KIRREL3: variants seen among roughly 807,000 people sequenced by gnomAD.
KIRREL3 encodes the protein kin of IRRE-like protein 3.
KIRREL3 carries 36 observed loss-of-function variants against 89.7 expected under a neutral mutation model. The ratio of observed to expected loss-of-function variants is 0.40; its 90% confidence interval spans 0.31 to 0.53. KIRREL3 has a LOEUF of 0.53. Among genes scored for constraint, KIRREL3 ranks in the 20% least tolerant of loss-of-function variants. The probability of loss-of-function intolerance (pLI) is 0.49; values close to 1 mark genes in which losing one functional copy is unlikely to be tolerated. For synonymous variants in KIRREL3, 445 were observed against 441.4 expected (o/e 1.01, Z -0.10); for missense variants, 864 against 1,056.6 (o/e 0.82, Z 2.53).
chr11:126,488,823 C>G (rs1957434186), intron 4 of KIRREL3, among the ~76,000 whole-genome samples: 1 of 152,340 alleles, frequency 6.6e-6, no homozygotes, highest in East Asian at 1.9e-4. Context: ...AGTTGTCCCT[C>G]TGCTTATGGT....
chr11:126,850,456 G>A (rs559642245), intron 1 of KIRREL3, among the ~76,000 whole-genome samples: 2 of 152,162 alleles, frequency 1.3e-5, no homozygotes, highest in African/African-American at 2.4e-5. Flanking sequence ...TTGGGGTAGA[G>A]GCAAAGCTAA....
chr11:126,901,199 G>A (rs1289515002), intron 1 of KIRREL3, among the ~76,000 whole-genome samples: 6 of 139,964 alleles, frequency 4.3e-5, no homozygotes, highest in African/African-American at 8.3e-5. Context: ...GGGTAACAGA[G>A]CGAGATTCCG....
rs936859889 is a variant in KIRREL3 at position 126,452,059 on chromosome 11, G to A, written c.849-2902C>T. On this transcript the variant is annotated intron_variant, in intron 7 of 16. Transcript: ENST00000525144. ...TTCCCTCCATTAGCTTCTTGCCTCC[G>A]TCTGACCCATCCAGCCCCGAGAGAC... 3.3e-5 allele frequency among the ~76,000 whole-genome samples: 5 copies of A among 152,072 alleles called. No homozygotes were observed. The East Asian group carries it at 5.8e-4, about 18-fold the overall frequency.
rs1477599587 is a variant in KIRREL3, at chr11:126,508,920, C to A, written c.433+12395G>T. ...CACCCTTGCCCTTCTCTCTTCTCTC[C>A]ACTCGAGCAACTCACAAGCTGCCCT... On this transcript the variant is annotated intron_variant, in intron 4 of 16. Coordinates refer to ENST00000525144, the MANE Select transcript of KIRREL3 (RefSeq NM_032531.4). The surrounding 1 kb of genome is among the most constrained non-coding windows in gnomAD (Gnocchi z 4.9). Among the ~76,000 whole-genome samples, 1 of 152,120 alleles carries A rather than the reference C, an allele frequency of 6.6e-6. No homozygotes were observed. Among genetic ancestry groups the A allele is most frequent in the East Asian group, 1.9e-4 (1 of 5,180 alleles).
intron 1 of KIRREL3, among the ~76,000 whole-genome samples, chr11:126,692,572 A>AAAAT (rs1555176685): frequency 6.8e-6 from 1 of 147,932 alleles, no homozygotes; most frequent in Admixed American, 6.7e-5. Context: ...AAAAAAAAAA[A>AAAAT]GGAGGTGGAA....
At position 126,761,004 on chromosome 11, in the gene KIRREL3, G is replaced by A. The variant is rs984596025; in HGVS notation, c.56-198092C>T. ...ACTGACACCCTCCAGGACAGATACC[G>A]TTAAACATAAATGAAAGAGGGAAGA... On this transcript the variant is annotated intron_variant, in intron 1 of 16. Transcript: ENST00000525144. The surrounding 1 kb of genome is among the most constrained non-coding windows in gnomAD (Gnocchi z 4.4). Among the ~76,000 whole-genome samples, 3 of 152,172 alleles carry A rather than the reference G, an allele frequency of 2.0e-5. No homozygotes were observed. Among genetic ancestry groups the A allele is most frequent in the African/African-American group, 4.8e-5 (2 of 41,450 alleles).
chr11:126,433,433 C>G (rs751122391), intron 13 of KIRREL3, among the ~76,000 whole-genome samples: 1 of 152,286 alleles, frequency 6.6e-6, no homozygotes, highest in Non-Finnish European at 1.5e-5. Flanking sequence ...AGGGAGCTGG[C>G]GCCCCTGGCT....
chr11:126,693,261 T>C (rs1343070268), intron 1 of KIRREL3, among the ~76,000 whole-genome samples: 3 of 151,716 alleles, frequency 2.0e-5, no homozygotes, highest in African/African-American at 7.3e-5. Context: ...TCCAGTAAAA[T>C]ACAAAAAAAA....
At position 126,788,159 on chromosome 11, in the gene KIRREL3, G is replaced by C. The variant is rs527251198; in HGVS notation, c.55+212296C>G. ...CTGCTAGACATTGTGTGCAAAAAGA[G>C]TGGGTGATGGAGTTGGGCTTGGGAC... On this transcript the variant is annotated intron_variant, in intron 1 of 16. Transcript: ENST00000525144. This position sits in a 1 kb window ranked among gnomAD's most constrained non-coding sequence, Gnocchi z 4.1. Among the ~76,000 whole-genome samples, 10 of 152,334 alleles carry C rather than the reference G, an allele frequency of 6.6e-5. No homozygotes were observed. The highest frequency in any genetic ancestry group is 5.2e-4 in the Admixed American group (8 of 15,308).
rs139441015 is a variant in KIRREL3, at chr11:126,457,399, G to C, written c.743-945C>G. 5.5e-3 allele frequency among the ~76,000 whole-genome samples: 831 copies of C among 151,974 alleles called. 3 individuals carry two copies. The highest frequency in any genetic ancestry group is 9.9e-3 in the Non-Finnish European group (672 of 67,940). On this transcript the variant is annotated intron_variant, in intron 6 of 16. Coordinates refer to ENST00000525144, the MANE Select transcript of KIRREL3 (RefSeq NM_032531.4). ...TATGTGTGTATGCGTGTGTGTGTAT[G>C]TGTGTATGCACGTGTGTATGTGTGT...
intron 1 of KIRREL3, among the ~76,000 whole-genome samples, chr11:126,572,922 C>A (rs963087611): frequency 6.6e-6 from 1 of 152,216 alleles, no homozygotes; most frequent in Non-Finnish European, 1.5e-5. Flanking sequence ...CAGTCATGTC[C>A]AGCCCCTGCC....
chr11:126,562,202 C>T lies in KIRREL3; in HGVS notation c.133+633G>A, dbSNP rs908325573. On this transcript the variant is annotated intron_variant, in intron 2 of 16. Transcript: ENST00000525144. The surrounding 1 kb of genome is among the most constrained non-coding windows in gnomAD (Gnocchi z 4.7). ...GATTGGTTCTTTATTACAGCAGACC[C>T]GTAAGTGACAGCACTCCTCCTCCCA... is the stretch of plus-strand genomic sequence containing the variant. Among the ~76,000 whole-genome samples the T allele has an allele frequency of 1.3e-5, 2 of 152,094 alleles. No homozygotes were observed. The highest frequency in any genetic ancestry group is 2.4e-5 in the African/African-American group (1 of 41,394).
At chr11:126,546,963 CATTATT>C (rs1450795502) in intron 2 of KIRREL3, among the ~76,000 whole-genome samples, 1 of 152,134 alleles carries the variant, frequency 6.6e-6, no homozygotes, top group Non-Finnish European at 1.5e-5. Context: ...TTTTAAAAAA[CATTATT>C]ATTGTTATTT....
rs1310961576 is a variant in KIRREL3, at chr11:126,495,517, A to T, written c.434-22051T>A. ...CTGGTTGTGGCTGTTGTGTGTGTGG[A>T]CGTGTTGCTAGGAATGAGGGCCTGA... is the stretch of plus-strand genomic sequence containing the variant. On this transcript the variant is annotated intron_variant, in intron 4 of 16. Transcript: ENST00000525144. The surrounding 1 kb of genome is among the most constrained non-coding windows in gnomAD (Gnocchi z 6.5). Among the ~76,000 whole-genome samples the T allele has an allele frequency of 6.6e-6, 1 of 151,914 alleles. No individual in the cohort carries two copies. Among genetic ancestry groups the T allele is most frequent in the African/African-American group, 2.4e-5 (1 of 41,320 alleles).
rs566419472 is a variant in KIRREL3, at chr11:126,594,995, G to C, written c.56-32083C>G. On this transcript the variant is annotated intron_variant, in intron 1 of 16. Transcript: ENST00000525144. The surrounding 1 kb of genome is among the most constrained non-coding windows in gnomAD (Gnocchi z 5.0). ...TCAGGGGCCTTCTGGGTTGTGAGGC[G>C]TGGGGCACCCCGTCCTGAGCGTGCC... is the stretch of plus-strand genomic sequence containing the variant. 6.6e-6 allele frequency among the ~76,000 whole-genome samples: 1 copy of C among 152,230 alleles called. No homozygotes were observed.
rs552337517 is a variant in KIRREL3 at position 126,924,810 on chromosome 11, C to T, written c.55+75645G>A. On this transcript the variant is annotated intron_variant, in intron 1 of 16. Coordinates refer to ENST00000525144, the MANE Select transcript of KIRREL3 (RefSeq NM_032531.4). The surrounding 1 kb of genome is among the most constrained non-coding windows in gnomAD (Gnocchi z 4.7). ...CCCCATCAACACCCTCACCTCAACCCTCCTGGTTAGCCTCTCTGATGTTGA... is the reference window on the plus strand; with the variant it reads ...CCCCATCAACACCCTCACCTCAACCTTCCTGGTTAGCCTCTCTGATGTTGA... Among the ~76,000 whole-genome samples the T allele has an allele frequency of 5.8e-4, 88 of 152,282 alleles. No individual in the cohort carries two copies. The highest frequency in any genetic ancestry group is 1.9e-3 in the African/African-American group (77 of 41,568).
rs1354282094 is a variant in KIRREL3, at chr11:126,463,593, G to C, written c.592-286C>G. Among the ~76,000 whole-genome samples, 1 of 152,228 alleles carries C rather than the reference G, an allele frequency of 6.6e-6. No homozygotes were observed. The highest frequency in any genetic ancestry group is 1.5e-5 in the Non-Finnish European group (1 of 68,038). ...CATGCTAAAAGCACAAAAGAAAGCA[G>C]GATGGGTTTCATGGAAACCAGGCTT... On this transcript the variant is annotated intron_variant, in intron 5 of 16. Transcript: ENST00000525144. The surrounding 1 kb of genome is among the most constrained non-coding windows in gnomAD (Gnocchi z 5.9).
At chr11:126,442,498 C>T (rs1236372448) in intron 10 of KIRREL3, among the ~76,000 whole-genome samples, 2 of 152,170 alleles carry the variant, frequency 1.3e-5, no homozygotes, top group African/African-American at 4.8e-5. Flanking sequence ...AGTAAGATTT[C>T]TCTCCCCTTC....
rs1273692986 is a variant in KIRREL3, at chr11:126,814,598, A to G, written c.55+185857T>C. ...GAATACTATGCAGCCATAAAAAGGAATGAGATCATGTCCTTTGCAGGGACA... is the reference window on the plus strand; with the variant it reads ...GAATACTATGCAGCCATAAAAAGGAGTGAGATCATGTCCTTTGCAGGGACA... On this transcript the variant is annotated intron_variant, in intron 1 of 16. Coordinates refer to ENST00000525144, the MANE Select transcript of KIRREL3 (RefSeq NM_032531.4). This position sits in a 1 kb window ranked among gnomAD's most constrained non-coding sequence, Gnocchi z 4.4. 1.3e-5 allele frequency among the ~76,000 whole-genome samples: 2 copies of G among 152,242 alleles called. No individual in the cohort carries two copies.
Sources: gnomAD v4.1 joint callset for allele counts (sites outside exome capture counted in the v4.1 genomes callset) on GRCh38, gnomAD v4.1.1 for gene constraint, Gnocchi (gnomAD v3.1) non-coding constraint, MANE v1.5 for transcripts, NCBI Gene and HGNC (gene_info 2026-07-23, HGNC 2026-07-21) for gene names.